The following TMEM132D variants were observed in gnomAD, a reference collection of about 807,000 sequenced individuals.
TMEM132D encodes the protein transmembrane protein 132D, also known as mature OL transmembrane protein.
Under a neutral mutation model 62.3 loss-of-function variants are expected in TMEM132D, and 21 were observed. That is an observed-to-expected ratio of 0.34 (90% confidence interval 0.24 to 0.49). TMEM132D has a LOEUF of 0.49. Among genes scored for constraint, TMEM132D ranks in the 20% least tolerant of loss-of-function variants. The probability of loss-of-function intolerance (pLI) is 0.99; values close to 1 mark genes in which losing one functional copy is unlikely to be tolerated. For synonymous variants in TMEM132D, 621 were observed against 575.6 expected (o/e 1.08, Z -1.13); for missense variants, 1,346 against 1,402.8 (o/e 0.96, Z 0.65).
chr12:129,497,659 TTTGA>T (rs912792932), intron 3 of TMEM132D, among the ~76,000 whole-genome samples: 3 of 152,274 alleles, frequency 2.0e-5, no homozygotes, highest in Non-Finnish European at 4.4e-5. Context: ...AATCCTGTTA[TTTGA>T]TTTTGTTTTT....
intron 5 of TMEM132D, chr12:129,110,170 C>T (rs1875642541): frequency 6.6e-6 from 1 of 152,430 alleles, no homozygotes; most frequent in African/African-American, 2.4e-5. Context: ...CCTGCCTACT[C>T]CTTCTCCATC....
intron 4 of TMEM132D, among the ~76,000 whole-genome samples, chr12:129,251,071 G>C (rs2135590179): frequency 6.6e-6 from 1 of 152,206 alleles, no homozygotes; most frequent in South Asian, 2.1e-4. Flanking sequence ...GACTAAAGAA[G>C]AGAAAGCTGG....
intron 2 of TMEM132D, among the ~76,000 whole-genome samples, chr12:129,679,020 A>G (rs1880711503): frequency 6.6e-6 from 1 of 151,886 alleles, no homozygotes; most frequent in African/African-American, 2.4e-5. Context: ...ATTATTTTAT[A>G]AAAAATTATA....
At chr12:129,619,009 G>T (rs10847912) in intron 2 of TMEM132D, among the ~76,000 whole-genome samples, 36,989 of 152,122 alleles carry the variant, frequency 0.24, 5,495 homozygotes, top group Non-Finnish European at 0.32. Flanking sequence ...GGAATAACTG[G>T]GTTGAGATAA....
At chr12:129,787,148 C>G (rs1398775993) in intron 1 of TMEM132D, among the ~76,000 whole-genome samples, 1 of 152,092 alleles carries the variant, frequency 6.6e-6, no homozygotes, top group Non-Finnish European at 1.5e-5. Flanking sequence ...ATTTCTATCC[C>G]CCTGCCAAAA....
At chr12:129,285,778 A>G (rs983836263) in intron 4 of TMEM132D, among the ~76,000 whole-genome samples, 1 of 152,034 alleles carries the variant, frequency 6.6e-6, no homozygotes, top group African/African-American at 2.4e-5. Flanking sequence ...TTCTCCCTCC[A>G]TCACTGTAAA....
At chr12:129,312,490 C>A (rs899879077) in intron 4 of TMEM132D, among the ~76,000 whole-genome samples, 1 of 152,134 alleles carries the variant, frequency 6.6e-6, no homozygotes, top group Non-Finnish European at 1.5e-5. Flanking sequence ...CATTCATTAA[C>A]GTATTTATTC....
intron 3 of TMEM132D, among the ~76,000 whole-genome samples, chr12:129,443,863 G>A (rs1873013225): frequency 6.6e-6 from 1 of 152,094 alleles, no homozygotes; most frequent in South Asian, 2.1e-4. Context: ...TGGCCACGTG[G>A]CCCAAATGAC....
intron 3 of TMEM132D, among the ~76,000 whole-genome samples, chr12:129,512,268 G>A (rs1260996758): frequency 6.6e-6 from 1 of 152,188 alleles, no homozygotes; most frequent in East Asian, 1.9e-4. Flanking sequence ...TTGGCCCAGG[G>A]AGAGGCACAG....
intron 2 of TMEM132D, among the ~76,000 whole-genome samples, chr12:129,623,748 CATATATAT>C (rs72395255): frequency 1.2e-4 from 17 of 146,904 alleles, no homozygotes; most frequent in African/African-American, 4.3e-4. Context: ...TATATATACA[CATATATAT>C]ACACACATAT....
chr12:129,870,372 G>T (rs1381502210), intron 1 of TMEM132D, among the ~76,000 whole-genome samples: 1 of 152,132 alleles, frequency 6.6e-6, no homozygotes, highest in Non-Finnish European at 1.5e-5. Context: ...GACCATGCAT[G>T]GGTTTACAGT....
At chr12:129,890,580 C>A (rs939704708) in intron 1 of TMEM132D, among the ~76,000 whole-genome samples, 2 of 152,178 alleles carry the variant, frequency 1.3e-5, no homozygotes, top group African/African-American at 2.4e-5. Context: ...ACAGAAGAAG[C>A]ACAATTGTGG....
intron 1 of TMEM132D, among the ~76,000 whole-genome samples, chr12:129,759,675 G>GA (rs1406726868): frequency 6.6e-6 from 1 of 152,054 alleles, no homozygotes; most frequent in Admixed American, 6.5e-5. Flanking sequence ...CTACATCTAG[G>GA]AATCTATCCT....
At position 129,074,623 on chromosome 12, in the gene TMEM132D, T is replaced by G; in HGVS notation, c.2552A>C (p.Glu851Ala). The G allele has an allele frequency of 6.2e-7, 1 of 1,614,068 alleles. No individual in the cohort carries two copies. The highest frequency in any genetic ancestry group is 2.2e-5 in the East Asian group (1 of 44,856). The change falls in exon 9 of 9, where the codon GAG becomes GCG. Residue 851 changes from glutamate (E) to alanine (A), a missense_variant. Glu to Ala is a moderately radical substitution (Grantham distance 107, BLOSUM62 -1). Coordinates refer to ENST00000422113, the MANE Select transcript of TMEM132D (RefSeq NM_133448.3). ...CCTGTCTGTCGTGGTGCCCCGTCCCTCCATGAGTCCCATAGAAGAACTGCC... is the reference window on the plus strand; with the variant it reads ...CCTGTCTGTCGTGGTGCCCCGTCCCGCCATGAGTCCCATAGAAGAACTGCC... ...YYGSSSMGLM[E>A]GRGTTTDRSI...
At chr12:129,411,681 T>C (rs1049294046) in intron 3 of TMEM132D, among the ~76,000 whole-genome samples, 1 of 152,196 alleles carries the variant, frequency 6.6e-6, no homozygotes, top group African/African-American at 2.4e-5. Context: ...AAACAGCAGA[T>C]TTCAGCTAGA....
At chr12:129,169,639 G>C (rs114720584) in intron 5 of TMEM132D, among the ~76,000 whole-genome samples, 3 of 152,076 alleles carry the variant, frequency 2.0e-5, no homozygotes, top group Non-Finnish European at 4.4e-5. Flanking sequence ...CTACTTCATC[G>C]ATTTTTTTGT....
chr12:129,317,935 G>A (rs1213084719), intron 4 of TMEM132D, among the ~76,000 whole-genome samples: 1 of 152,062 alleles, frequency 6.6e-6, no homozygotes, highest in African/African-American at 2.4e-5. Flanking sequence ...CAATTCTGTT[G>A]CTGAGACTTT....
chr12:129,099,969 G>GCGCC (rs1875247423), intron 5 of TMEM132D, among the ~76,000 whole-genome samples: 2 of 121,436 alleles, frequency 1.6e-5, no homozygotes, highest in African/African-American at 6.9e-5. Flanking sequence ...GGGACTACAG[G>GCGCC]TGCCCGCCAC....
intron 1 of TMEM132D, among the ~76,000 whole-genome samples, chr12:129,900,321 T>G (rs1593204356): frequency 6.6e-6 from 1 of 152,292 alleles, no homozygotes; most frequent in Non-Finnish European, 1.5e-5. Context: ...AAACATCCGT[T>G]TCAGCATATT....
Sources: allele counts gnomAD v4.1 joint callset (sites outside exome capture counted in the v4.1 genomes callset), GRCh38; gene constraint gnomAD v4.1.1; transcripts MANE v1.5; gene names NCBI Gene and HGNC (gene_info 2026-07-23, HGNC 2026-07-21).